The following MCUB variants were observed in gnomAD, a reference collection of about 807,000 sequenced individuals.
MCUB encodes mitochondrial calcium uniporter dominant negative subunit beta.
In MCUB, 46 loss-of-function variants were observed where a neutral mutation model predicts 41.4. The observed-to-expected ratio is 1.11, with a 90% confidence interval of 0.88 to 1.42. The LOEUF is 1.42. Among genes scored for constraint, MCUB ranks in the 40% most tolerant of loss-of-function variants. MCUB has a pLI of 0.00. For missense variants in MCUB, 403 were observed against 404.9 expected (o/e 1.00, Z 0.04); for synonymous variants, 148 against 148.2 (o/e 1.00, Z 0.01).
At chr4:109,573,867 A>ATTTTTTTTTTTTTTTTTTTTTTTTTTTT (rs70954166) in intron 1 of MCUB, among the ~76,000 whole-genome samples, 1 of 112,530 alleles carries the variant, frequency 8.9e-6, no homozygotes. Context: ...AAAGGGTTGA[A>ATTTTTTTTTTTTTTTTTTTTTTTTTTTT]TTTTTTTTTT....
At chr4:109,639,548 C>T (rs749969550) in intron 1 of MCUB, among the ~76,000 whole-genome samples, 1 of 151,956 alleles carries the variant, frequency 6.6e-6, no homozygotes, top group African/African-American at 2.4e-5. Context: ...ATTAGCCAGG[C>T]ATGATGGCAG....
intron 1 of MCUB, among the ~76,000 whole-genome samples, chr4:109,641,012 G>A (rs1033387253): frequency 1.3e-5 from 2 of 152,254 alleles, no homozygotes; most frequent in Non-Finnish European, 2.9e-5. Flanking sequence ...AGTCTTATTA[G>A]TTGGCCTAAT....
rs117121787 is a variant in MCUB at position 109,619,395 on chromosome 4, A to G, written c.100-39616A>G. Among the ~76,000 whole-genome samples, 563 of 151,340 alleles carry G rather than the reference A, an allele frequency of 3.7e-3. 7 individuals carry two copies. Among genetic ancestry groups the G allele is most frequent in the East Asian group, 0.015 (75 of 5,018 alleles). On this transcript the variant is annotated intron_variant, in intron 1 of 7. Coordinates refer to ENST00000394650, the MANE Select transcript of MCUB (RefSeq NM_017918.5). ...TGCCTGGCCCAGTAAACCTCTTTCT[A>G]TGATGTGTTGCTCTTCTTGAAAGTA...
At chr4:109,654,589 C>A (rs185694304) in intron 1 of MCUB, among the ~76,000 whole-genome samples, 8 of 151,448 alleles carry the variant, frequency 5.3e-5, no homozygotes, top group African/African-American at 1.9e-4. Context: ...CCAGCCTGGG[C>A]GACAGAGCAA....
At position 109,653,486 on chromosome 4, in the gene MCUB, G is replaced by A. The variant is rs117696570; in HGVS notation, c.100-5525G>A. Among the ~76,000 whole-genome samples the A allele has an allele frequency of 7.4e-3, 1,134 of 152,258 alleles. 27 individuals are homozygous for A. Among genetic ancestry groups the A allele is most frequent in the South Asian group, 0.06 (287 of 4,822 alleles). On this transcript the variant is annotated intron_variant, in intron 1 of 7. Transcript: ENST00000394650. ...ATTAGTTGCTTTTTGTATTCCTAGA[G>A]TTTCTATGTCTTTCCGTGTTGCACC...
At chr4:109,574,080 G>A (rs1204135059) in intron 1 of MCUB, among the ~76,000 whole-genome samples, 1 of 151,818 alleles carries the variant, frequency 6.6e-6, no homozygotes, top group Non-Finnish European at 1.5e-5. Context: ...TACCGTGTTG[G>A]CCAGACTGGT....
At chr4:109,619,344 G>T (rs1197718928) in intron 1 of MCUB, among the ~76,000 whole-genome samples, 1 of 152,132 alleles carries the variant, frequency 6.6e-6, no homozygotes, top group African/African-American at 2.4e-5. Flanking sequence ...TTCCCCAAGT[G>T]CTGGGAATAC....
At chr4:109,668,838 C>T (rs1001131245) in intron 4 of MCUB, among the ~76,000 whole-genome samples, 1 of 151,838 alleles carries the variant, frequency 6.6e-6, no homozygotes. Flanking sequence ...TAAGAGTTTG[C>T]AATATACATT....
intron 1 of MCUB, among the ~76,000 whole-genome samples, chr4:109,578,163 A>C (rs1220644816): frequency 6.6e-6 from 1 of 152,118 alleles, no homozygotes; most frequent in African/African-American, 2.4e-5. Context: ...GTTGCTTAAA[A>C]CCAATCTCTC....
chr4:109,644,864 A>G (rs867479299), intron 1 of MCUB, among the ~76,000 whole-genome samples: 2 of 152,178 alleles, frequency 1.3e-5, no homozygotes, highest in Admixed American at 6.5e-5. Context: ...GGATCCTGAT[A>G]ATGTATTATC....
intron 1 of MCUB, among the ~76,000 whole-genome samples, chr4:109,655,209 G>A (rs534561913): frequency 1.3e-5 from 2 of 152,342 alleles, no homozygotes; most frequent in African/African-American, 4.8e-5. Context: ...TACAGTTTGT[G>A]TGAACATAGT....
chr4:109,565,601 TAA>T (rs764825953), intron 1 of MCUB, among the ~76,000 whole-genome samples: 2 of 152,252 alleles, frequency 1.3e-5, no homozygotes, highest in Non-Finnish European at 2.9e-5. Context: ...GTAAATGCGA[TAA>T]AAAAAGATTC....
At chr4:109,612,180 GGC>G in intron 1 of MCUB, among the ~76,000 whole-genome samples, 1 of 152,074 alleles carries the variant, frequency 6.6e-6, no homozygotes, top group South Asian at 2.1e-4. Context: ...CTCTCTTCCT[GGC>G]TTGCAGATGG....
At chr4:109,606,376 T>C (rs573265297) in intron 1 of MCUB, among the ~76,000 whole-genome samples, 2 of 152,164 alleles carry the variant, frequency 1.3e-5, no homozygotes, top group Non-Finnish European at 2.9e-5. Context: ...AGTAAGGACC[T>C]ACTCCTGCCA....
rs115580509 is a variant in MCUB, at chr4:109,677,302, G to T, written c.452-5280G>T. 4.2e-3 allele frequency among the ~76,000 whole-genome samples: 644 copies of T among 152,244 alleles called. 7 individuals are homozygous for T. The highest frequency in any genetic ancestry group is 0.015 in the African/African-American group (627 of 41,542). ...AACTCCAGCTGTGAGTTTGATTTCA[G>T]ACTCACAGCTGGAGGATAATTTGCT... On this transcript the variant is annotated intron_variant, in intron 4 of 7. Transcript: ENST00000394650.
chr4:109,671,764 T>C (rs1164176810), intron 4 of MCUB, among the ~76,000 whole-genome samples: 1 of 152,230 alleles, frequency 6.6e-6, no homozygotes, highest in African/African-American at 2.4e-5. Flanking sequence ...GTTGTTGTTT[T>C]TTTCTTTGCC....
At chr4:109,622,906 G>A (rs1410490508) in intron 1 of MCUB, among the ~76,000 whole-genome samples, 1 of 152,136 alleles carries the variant, frequency 6.6e-6, no homozygotes, top group African/African-American at 2.4e-5. Flanking sequence ...CATCATGCAG[G>A]TCAACAACCA....
At chr4:109,634,300 T>C (rs1198566098) in intron 1 of MCUB, among the ~76,000 whole-genome samples, 1 of 151,948 alleles carries the variant, frequency 6.6e-6, no homozygotes, top group Non-Finnish European at 1.5e-5. Flanking sequence ...CTGACTAACA[T>C]GGAGAAACCC....
At chr4:109,593,811 G>A (rs1208861859) in intron 1 of MCUB, among the ~76,000 whole-genome samples, 1 of 152,094 alleles carries the variant, frequency 6.6e-6, no homozygotes, top group African/African-American at 2.4e-5. Context: ...ATCATCTTTA[G>A]TAATAAAATA....
Sources: gnomAD v4.1 joint callset for allele counts (sites outside exome capture counted in the v4.1 genomes callset) on GRCh38, gnomAD v4.1.1 for gene constraint, MANE v1.5 for transcripts, NCBI Gene and HGNC (gene_info 2026-07-23, HGNC 2026-07-21) for gene names.